The following NRXN3 variants were observed in gnomAD, a reference collection of about 807,000 sequenced individuals.
NRXN3 encodes the protein neurexin 3, also known as neurexin III.
NRXN3 carries 32 observed loss-of-function variants against 137.6 expected under a neutral mutation model. That is an observed-to-expected ratio of 0.23 (90% CI 0.18 to 0.31). The LOEUF (loss-of-function observed/expected upper bound fraction) is 0.31, where lower values mean the gene tolerates loss of function less well. NRXN3 is among the 10% of genes least tolerant of loss of function. The pLI, the probability that NRXN3 is intolerant of heterozygous loss-of-function variation, is 1.00. For missense variants in NRXN3, 1,574 were observed against 2,062.5 expected, an observed-to-expected ratio of 0.76 and a Z score of 4.59; for synonymous variants, 798 against 784.5, an observed-to-expected ratio of 1.02 and a Z score of -0.29.
Position 78,967,358 on chromosome 14 carries a change from C to T in NRXN3, c.2928C>T (p.Val976=), listed in dbSNP as rs1294884445. The T allele has an allele frequency of 6.2e-7, 1 of 1,613,938 alleles. No homozygotes were observed. The highest frequency in any genetic ancestry group is 8.5e-7 in the Non-Finnish European group (1 of 1,179,936). ...THSLKVDTKV[V]TQVINGAKNL... is the part of the protein sequence containing the mutation. ...GCCTGAAAGTGGACACCAAAGTGGT[C>T]ACTCAGGTTATCAATGGTGCCAAAA... The change falls in exon 13 of 21, where the codon GTC becomes GTT. Residue 976 remains valine (V), a synonymous_variant. Transcript: ENST00000335750.
intron 16 of NRXN3, among the ~76,000 whole-genome samples, chr14:79,506,247 CTG>C (rs995815332): frequency 2.6e-5 from 4 of 152,176 alleles, no homozygotes; most frequent in African/African-American, 9.7e-5. Flanking sequence ...AGCAGGATCA[CTG>C]GAGCCTGTCC....
chr14:79,817,677 C>A (rs554337125), intron 20 of NRXN3, among the ~76,000 whole-genome samples: 2 of 152,202 alleles, frequency 1.3e-5, no homozygotes, highest in East Asian at 3.9e-4. Context: ...AAGCCAACTG[C>A]CCCCAGCGTG....
intron 16 of NRXN3, among the ~76,000 whole-genome samples, chr14:79,559,146 T>C (rs2097462230): frequency 6.6e-6 from 1 of 152,170 alleles, no homozygotes; most frequent in South Asian, 2.1e-4. Context: ...AATCAGGCTG[T>C]TTTGCTTTCT....
At chr14:79,621,940 C>G (rs1419898498) in intron 16 of NRXN3, among the ~76,000 whole-genome samples, 1 of 152,064 alleles carries the variant, frequency 6.6e-6, no homozygotes, top group African/African-American at 2.4e-5. Flanking sequence ...ATATTTGTTT[C>G]AAATGTAGAA....
chr14:78,886,239 C>A (rs1044918083), intron 10 of NRXN3, among the ~76,000 whole-genome samples: 1 of 152,122 alleles, frequency 6.6e-6, no homozygotes, highest in Non-Finnish European at 1.5e-5. Context: ...GTAATAATGT[C>A]TGTTTTTATC....
chr14:78,537,312 G>C (rs2096545654), intron 4 of NRXN3, among the ~76,000 whole-genome samples: 1 of 152,194 alleles, frequency 6.6e-6, no homozygotes, highest in South Asian at 2.1e-4. Context: ...ACTGGTGTGA[G>C]ATGCTATCTC....
At chr14:79,260,756 T>A (rs2077471787) in intron 15 of NRXN3, among the ~76,000 whole-genome samples, 1 of 152,192 alleles carries the variant, frequency 6.6e-6, no homozygotes, top group Non-Finnish European at 1.5e-5. Context: ...CAGATTATAT[T>A]TTCCAGAGAA....
intron 16 of NRXN3, among the ~76,000 whole-genome samples, chr14:79,517,098 C>G (rs145209934): frequency 6.7e-6 from 1 of 148,832 alleles, no homozygotes; most frequent in Non-Finnish European, 1.5e-5. Flanking sequence ...TACAGCCCCC[C>G]CCCCCTCAAC....
chr14:79,622,071 C>T (rs2098230262), intron 16 of NRXN3, among the ~76,000 whole-genome samples: 1 of 152,160 alleles, frequency 6.6e-6, no homozygotes, highest in African/African-American at 2.4e-5. Context: ...TGAGGAACAT[C>T]ATCACATTCT....
intron 17 of NRXN3, among the ~76,000 whole-genome samples, chr14:79,671,278 C>T (rs2098606429): frequency 6.6e-6 from 1 of 152,090 alleles, no homozygotes; most frequent in African/African-American, 2.4e-5. Flanking sequence ...ACACTCTGCT[C>T]CTTCCTTAGA....
At chr14:78,827,403 A>G (rs144389724) in intron 10 of NRXN3, among the ~76,000 whole-genome samples, 64 of 152,318 alleles carry the variant, frequency 4.2e-4, no homozygotes, top group Admixed American at 1.6e-3. Context: ...ATGGACGCAT[A>G]TATATGGGTC....
At chr14:78,429,205 T>C (rs539865445) in intron 4 of NRXN3, among the ~76,000 whole-genome samples, 9 of 151,556 alleles carry the variant, frequency 5.9e-5, no homozygotes, top group East Asian at 1.9e-4. Flanking sequence ...GCCTCCTGAG[T>C]AGCTGGAATT....
chr14:78,428,543 G>A (rs1232529773), intron 4 of NRXN3, among the ~76,000 whole-genome samples: 1 of 152,266 alleles, frequency 6.6e-6, no homozygotes, highest in Non-Finnish European at 1.5e-5. Flanking sequence ...GAGTGAAAGA[G>A]GGAGAGGGGA....
At chr14:78,612,464 A>G (rs2097308507) in intron 4 of NRXN3, among the ~76,000 whole-genome samples, 1 of 152,238 alleles carries the variant, frequency 6.6e-6, no homozygotes, top group South Asian at 2.1e-4. Flanking sequence ...ATTTATATTG[A>G]TAAAGAGATC....
intron 15 of NRXN3, among the ~76,000 whole-genome samples, chr14:79,403,917 C>T (rs779390539): frequency 3.5e-4 from 54 of 152,224 alleles, no homozygotes; most frequent in Admixed American, 2.6e-3. Context: ...GTCACCTCCT[C>T]GATTTTATTC....
At chr14:79,286,944 A>T (rs1598324452) in intron 15 of NRXN3, among the ~76,000 whole-genome samples, 1 of 152,318 alleles carries the variant, frequency 6.6e-6, no homozygotes, top group Non-Finnish European at 1.5e-5. Context: ...TGAGAGATTA[A>T]ACAAGTTGTA....
intron 20 of NRXN3, among the ~76,000 whole-genome samples, chr14:79,812,218 TG>T (rs2099236665): frequency 6.6e-6 from 1 of 152,212 alleles, no homozygotes; most frequent in Non-Finnish European, 1.5e-5. Context: ...AATCAATGTA[TG>T]AGTGTATATA....
At chr14:78,751,224 T>C (rs961577594) in intron 8 of NRXN3, among the ~76,000 whole-genome samples, 1 of 152,222 alleles carries the variant, frequency 6.6e-6, no homozygotes, top group Non-Finnish European at 1.5e-5. Context: ...GAGAGGATGC[T>C]TGAGTTAATC....
chr14:78,394,344 C>T (rs764834582), intron 4 of NRXN3, among the ~76,000 whole-genome samples: 17 of 151,658 alleles, frequency 1.1e-4, no homozygotes, highest in Non-Finnish European at 2.4e-4. Context: ...GTGTTTTTTT[C>T]TTCTTTAGCT....
Sources: allele counts gnomAD v4.1 joint callset (sites outside exome capture counted in the v4.1 genomes callset), GRCh38; gene constraint gnomAD v4.1.1; transcripts MANE v1.5; gene names NCBI Gene and HGNC (gene_info 2026-07-23, HGNC 2026-07-21).